The following TSHZ3 variants were observed in gnomAD, a reference collection of about 807,000 sequenced individuals.
TSHZ3 encodes the protein teashirt homolog 3.
A neutral mutation model predicts 64.5 loss-of-function variants in TSHZ3; 10 were observed. That is an observed-to-expected ratio of 0.16 (90% confidence interval 0.10 to 0.26). TSHZ3 has a LOEUF of 0.26. TSHZ3 is among the 10% of genes least tolerant of loss of function. The pLI, the probability that TSHZ3 is intolerant of heterozygous loss-of-function variation, is 1.00. For missense variants in TSHZ3, 1,242 were observed against 1,421.7 expected, an observed-to-expected ratio of 0.87 and a Z score of 2.03; for synonymous variants, 608 against 593.1, an observed-to-expected ratio of 1.03 and a Z score of -0.36.
intron 5 of TSHZ3, among the ~76,000 whole-genome samples, chr19:31,166,499 C>T (rs1974454102): frequency 6.6e-6 from 1 of 152,160 alleles, no homozygotes; most frequent in Non-Finnish European, 1.5e-5. Context: ...CCCAGGAAGG[C>T]TGCAGCCAAG....
intron 1 of TSHZ3, among the ~76,000 whole-genome samples, chr19:31,322,778 A>G (rs562456344): frequency 9.2e-5 from 14 of 152,342 alleles, no homozygotes; most frequent in Admixed American, 6.5e-4. Flanking sequence ...TGGACATAAT[A>G]AAGGAATGAG....
intron 4 of TSHZ3, among the ~76,000 whole-genome samples, chr19:31,218,261 A>C (rs1975357083): frequency 7.2e-6 from 1 of 138,256 alleles, no homozygotes; most frequent in Non-Finnish European, 1.5e-5. Context: ...CACCTTACCA[A>C]AGAAGACAGA....
chr19:31,156,998 A>G (rs1034883273), intron 5 of TSHZ3, among the ~76,000 whole-genome samples: 1 of 152,182 alleles, frequency 6.6e-6, no homozygotes, highest in Non-Finnish European at 1.5e-5. Context: ...GAAAATAGGC[A>G]CTTTCTTGCC....
intron 4 of TSHZ3, among the ~76,000 whole-genome samples, chr19:31,223,069 G>A (rs1196164679): frequency 6.6e-6 from 1 of 152,094 alleles, no homozygotes; most frequent in East Asian, 1.9e-4. Context: ...TGTTGAGAGG[G>A]CATTAGAGAT....
chr19:31,302,409 G>GA (rs2145144384), intron 1 of TSHZ3, among the ~76,000 whole-genome samples: 1 of 152,320 alleles, frequency 6.6e-6, no homozygotes, highest in South Asian at 2.1e-4. Flanking sequence ...TGCAAAATCA[G>GA]AAAGTACTCA....
chr19:31,286,541 T>A (rs550957508), intron 1 of TSHZ3, among the ~76,000 whole-genome samples: 3 of 152,186 alleles, frequency 2.0e-5, no homozygotes, highest in African/African-American at 7.2e-5. Flanking sequence ...TCTGGCTAGT[T>A]CCACAGCACA....
intron 1 of TSHZ3, among the ~76,000 whole-genome samples, chr19:31,336,549 A>G (rs1296492784): frequency 6.6e-6 from 1 of 152,170 alleles, no homozygotes; most frequent in Non-Finnish European, 1.5e-5. Flanking sequence ...CAAGCTTCCC[A>G]TCTTCATGTT....
At chr19:31,342,704 G>A (rs764542585) in intron 1 of TSHZ3, among the ~76,000 whole-genome samples, 11 of 152,206 alleles carry the variant, frequency 7.2e-5, no homozygotes, top group Non-Finnish European at 1.5e-4. Flanking sequence ...GTCATTTCAC[G>A]TATATTACCA....
At chr19:31,333,131 A>T (rs1000882556) in intron 1 of TSHZ3, among the ~76,000 whole-genome samples, 1 of 151,132 alleles carries the variant, frequency 6.6e-6, no homozygotes, top group African/African-American at 2.4e-5. Flanking sequence ...TAAATAAATA[A>T]ATAAATAAAT....
At chr19:31,233,055 A>C (rs2145177234) in intron 3 of TSHZ3, among the ~76,000 whole-genome samples, 1 of 152,300 alleles carries the variant, frequency 6.6e-6, no homozygotes, top group African/African-American at 2.4e-5. Context: ...TTATGGACAT[A>C]TGTTTTCATT....
At position 31,228,171 on chromosome 19, in the gene TSHZ3, G is replaced by C. The variant is rs530722084; in HGVS notation, n.551-31C>G. 3.3e-5 allele frequency among the ~76,000 whole-genome samples: 5 copies of C among 152,300 alleles called. No homozygotes were observed. The East Asian group carries it at 9.7e-4, about 29-fold the overall frequency. On this transcript the variant is annotated intron_variant and non_coding_transcript_variant, in intron 3 of 6. Coordinates refer to the TSHZ3 transcript ENST00000651361. ...AGGAGAGTAGAGGGAGCATTGCCAA[G>C]TTAAGTTAAGAGCTTCAAGACATTA...
intron 1 of TSHZ3, chr19:31,305,346 T>C (rs1188750405): frequency 1.3e-5 from 2 of 151,790 alleles, no homozygotes; most frequent in African/African-American, 4.8e-5. Flanking sequence ...CGTGTCAGTT[T>C]CTTCTTTCTT....
At position 31,241,796 on chromosome 19, in the gene TSHZ3, T is replaced by C. The variant is rs1975693540; in HGVS notation, n.550+473A>G. On this transcript the variant is annotated intron_variant and non_coding_transcript_variant, in intron 3 of 6. Coordinates refer to the TSHZ3 transcript ENST00000651361. ...AATCTCCTCACATGAGCTTCCCTTC[T>C]CTCTGAAATCACTGCTTTGTGTTAT... Among the ~76,000 whole-genome samples the C allele has an allele frequency of 2.0e-5, 3 of 152,358 alleles. No homozygotes were observed. The South Asian group carries it at 6.2e-4, about 32-fold the overall frequency.
chr19:31,209,395 G>T (rs948715732), intron 4 of TSHZ3, among the ~76,000 whole-genome samples: 1 of 152,132 alleles, frequency 6.6e-6, no homozygotes, highest in Non-Finnish European at 1.5e-5. Flanking sequence ...AGTGATTAGG[G>T]GCACAGATCC....
At chr19:31,350,801 G>A (rs1287119874), upstream of TSHZ3, among the ~76,000 whole-genome samples, 7 of 147,756 alleles carry the variant, frequency 4.7e-5, no homozygotes, top group African/African-American at 1.2e-4. Flanking sequence ...GCCGGAGCCC[G>A]AGCGGCGCGG....
chr19:31,329,446 G>A (rs1204095724), intron 1 of TSHZ3, among the ~76,000 whole-genome samples: 1 of 152,218 alleles, frequency 6.6e-6, no homozygotes, highest in Non-Finnish European at 1.5e-5. Context: ...CAATGGGCAC[G>A]CTCAAGTTTA....
intron 6 of TSHZ3, among the ~76,000 whole-genome samples, chr19:31,155,278 C>A (rs1974292003): frequency 6.6e-6 from 1 of 152,212 alleles, no homozygotes; most frequent in Non-Finnish European, 1.5e-5. Flanking sequence ...ACCCTGCTCT[C>A]TTACTTGCCT....
At chr19:31,339,904 T>A (rs1192432940) in intron 1 of TSHZ3, among the ~76,000 whole-genome samples, 12 of 145,138 alleles carry the variant, frequency 8.3e-5, no homozygotes, top group Non-Finnish European at 1.1e-4. Context: ...AAATTGACTT[T>A]AAAAAAAAAA....
At chr19:31,280,612 G>A (rs1047421663) in intron 1 of TSHZ3, among the ~76,000 whole-genome samples, 1 of 152,198 alleles carries the variant, frequency 6.6e-6, no homozygotes, top group Non-Finnish European at 1.5e-5. Flanking sequence ...AGACCTTCCA[G>A]TGGACCTTAC....
Sources: gnomAD v4.1 joint callset for allele counts (sites outside exome capture counted in the v4.1 genomes callset) on GRCh38, gnomAD v4.1.1 for gene constraint, MANE v1.5 for transcripts, NCBI Gene and HGNC (gene_info 2026-07-23, HGNC 2026-07-21) for gene names.